Variants in EOGT observed in about 807,000 individuals in gnomAD.
EOGT encodes the protein EGF domain-specific O-linked N-acetylglucosamine transferase.
Under a neutral mutation model 70.5 loss-of-function variants are expected in EOGT, and 55 were observed. The observed-to-expected ratio is 0.78, with a 90% CI of 0.63 to 0.98. EOGT has a LOEUF of 0.98. Among genes scored for constraint, EOGT ranks in the 50% least tolerant of loss-of-function variants. The pLI is 0.00. For synonymous variants in EOGT, 246 were observed against 217.1 expected (o/e 1.13, Z -1.17); for missense variants, 703 against 641.9 (o/e 1.10, Z -1.03).
chr3:68,996,657 T>TAAGGAG (rs1416885527), intron 10 of EOGT, among the ~76,000 whole-genome samples: 3 of 152,190 alleles, frequency 2.0e-5, no homozygotes, highest in African/African-American at 4.8e-5. Flanking sequence ...GAATCTTGTC[T>TAAGGAG]CCTTGCACCT....
intron 16 of EOGT, among the ~76,000 whole-genome samples, chr3:68,979,258 G>C (rs2090563098): frequency 6.6e-6 from 1 of 152,210 alleles, no homozygotes; most frequent in African/African-American, 2.4e-5. Flanking sequence ...CCCTGTGTAT[G>C]GGATCAGCAA....
At chr3:69,007,581 G>A in intron 6 of EOGT, 132 bp downstream of exon 6, 1 of 353,732 alleles carries the variant, frequency 2.8e-6, no homozygotes. Flanking sequence ...GAACCTGGGA[G>A]GCAGAGGTTG....
chr3:68,977,420 A>G lies in EOGT; in HGVS notation c.*198T>C. ...AAGTTTTCAGTGCAAAATTATTGCT[A>G]TTGATAAATAGCAATGACACAAAAA... On this transcript the variant is annotated 3_prime_UTR_variant, in exon 18 of 18. Coordinates refer to ENST00000383701, the MANE Select transcript of EOGT (RefSeq NM_001278689.2). The G allele has an allele frequency of 1.9e-6, 1 of 521,244 alleles. No homozygotes were observed. The highest frequency in any genetic ancestry group is 3.3e-6 in the Non-Finnish European group (1 of 307,510). 32.3% of individuals were successfully genotyped at this position (521,244 alleles called of 1,614,324 possible). A position where few individuals can be genotyped will look rare whatever the true frequency, so the allele number is the denominator to read the frequency against.
At chr3:68,997,165 C>T (rs2091173959) in intron 10 of EOGT, among the ~76,000 whole-genome samples, 1 of 152,142 alleles carries the variant, frequency 6.6e-6, no homozygotes, top group South Asian at 2.1e-4. Context: ...AAATAAATAG[C>T]AGGTGTCACT....
At chr3:68,985,084 G>C (rs1020262259) in intron 14 of EOGT, among the ~76,000 whole-genome samples, 6 of 152,082 alleles carry the variant, frequency 3.9e-5, no homozygotes, top group African/African-American at 1.4e-4. Flanking sequence ...GGGAGGGTTG[G>C]GGGGCACAAT....
At chr3:68,984,552 A>C (rs1352321587) in intron 14 of EOGT, among the ~76,000 whole-genome samples, 1 of 152,194 alleles carries the variant, frequency 6.6e-6, no homozygotes, top group Non-Finnish European at 1.5e-5. Flanking sequence ...TGGGTTGATT[A>C]ATACATACCT....
intron 5 of EOGT, 128 bp from the exon 6 acceptor site, chr3:69,007,949 T>C (rs930245463): frequency 1.3e-5 from 8 of 615,488 alleles, no homozygotes; most frequent in Non-Finnish European, 2.2e-5. Context: ...ATTATCATAG[T>C]TTTTCCAAAA....
intron 6 of EOGT, among the ~76,000 whole-genome samples, chr3:69,005,877 T>C (rs2091427015): frequency 6.6e-6 from 1 of 152,222 alleles, no homozygotes; most frequent in South Asian, 2.1e-4. Flanking sequence ...TTAAATGCCA[T>C]TTTAATTGTT....
In EOGT at chr3:68,998,084, A is replaced by G; in HGVS notation, c.758T>C (p.Phe253Ser). The G allele has an allele frequency of 6.3e-7, 1 of 1,598,946 alleles. No homozygotes were observed. The highest frequency in any genetic ancestry group is 8.5e-7 in the Non-Finnish European group (1 of 1,171,100). The stretch of plus-strand genomic sequence containing the variant: ...GTGCTGAGTAATATAAAGATTGATG[A>G]AATCACAGAAGTGGTGATACATGTT... ...GVNMYHHFCD[F>S]INLYITQHVN... Residue 253 changes from phenylalanine to serine, a missense_variant, in exon 10 of 18, where the codon TTC (phenylalanine) becomes TCC (serine). Coordinates refer to ENST00000383701, the MANE Select transcript of EOGT (RefSeq NM_001278689.2).
At position 69,007,777 on chromosome 3, in the gene EOGT, G is replaced by C; in HGVS notation, c.356C>G (p.Ala119Gly). 2 of 1,613,154 alleles carry C rather than the reference G, an allele frequency of 1.2e-6. No homozygotes were observed. Among genetic ancestry groups the C allele is most frequent in the Non-Finnish European group, 1.7e-6 (2 of 1,179,460 alleles). The change falls in exon 6 of 18, where the codon GCT (alanine) becomes GGT (glycine). Residue 119 changes from alanine to glycine, a missense_variant. Transcript: ENST00000383701. ...ESAEDIFWKQ[A>G]DFGYARERLE... is the part of the protein sequence containing the mutation. Reference sequence around the variant, plus strand: ...CCTCTCTCTGGCATATCCAAAGTCAGCTTGTTTCCAAAATATGTCCTCAGC... The same window carrying C: ...CCTCTCTCTGGCATATCCAAAGTCACCTTGTTTCCAAAATATGTCCTCAGC...
chr3:69,008,585 A>G (rs1156821901), intron 4 of EOGT, 57 bp from the exon 5 acceptor site: 1 of 1,239,182 alleles, frequency 8.1e-7, no homozygotes, highest in African/African-American at 1.5e-5. Context: ...GAAGACTCTT[A>G]GATTTTTCCA....
chr3:68,983,828 T>C (rs1192987930), intron 14 of EOGT, among the ~76,000 whole-genome samples: 2 of 152,136 alleles, frequency 1.3e-5, no homozygotes, highest in African/African-American at 4.8e-5. Context: ...CTGGGTGTGG[T>C]GGCACATGCC....
At chr3:68,995,670 G>A (rs1178080663) in intron 10 of EOGT, among the ~76,000 whole-genome samples, 1 of 152,178 alleles carries the variant, frequency 6.6e-6, no homozygotes, top group Non-Finnish European at 1.5e-5. Flanking sequence ...GCATGCAACA[G>A]GTACAAGGAA....
At position 68,977,055 on chromosome 3, in the gene EOGT, G is replaced by A. The variant is rs2090490533; in HGVS notation, c.*563C>T. 1 of 152,736 alleles carries A rather than the reference G, an allele frequency of 6.5e-6. No individual in the cohort carries two copies. The highest frequency in any genetic ancestry group is 6.5e-5 in the Admixed American group (1 of 15,282). The allele number at this position is 152,736 out of a possible 1,614,324, so 9.5% of individuals were successfully genotyped here. Reference sequence around the variant, plus strand: ...CACGCCTGTAATCCCAGCTACTTGGGAGGCTAAGGCACAAGAATCACTTGA... The same window carrying A: ...CACGCCTGTAATCCCAGCTACTTGGAAGGCTAAGGCACAAGAATCACTTGA... On this transcript the variant is annotated 3_prime_UTR_variant, in exon 18 of 18. Coordinates refer to ENST00000383701, the MANE Select transcript of EOGT (RefSeq NM_001278689.2).
At position 69,008,489 on chromosome 3, in the gene EOGT, T is replaced by A; in HGVS notation, c.250A>T (p.Lys84Ter). The A allele has an allele frequency of 6.2e-7, 1 of 1,614,104 alleles. No homozygotes were observed. Among genetic ancestry groups the A allele is most frequent in the Non-Finnish European group, 8.5e-7 (1 of 1,179,994 alleles). Residue 84 changes from lysine (K) to a stop codon, truncating the protein, a stop_gained, in exon 5 of 18, where the codon AAA (lysine) becomes TAA (stop). Coordinates refer to ENST00000383701, the MANE Select transcript of EOGT (RefSeq NM_001278689.2). LOFTEE classifies it high-confidence loss of function. ...AACCTGAACTCTGGTTTGCAGGATT[T>A]CTCATAACCCCAGCAGTACTTTAGC... ...EKLKYCWGYE[K>*]SCKPEFRFGY... is the part of the protein sequence containing the mutation.
intron 10 of EOGT, among the ~76,000 whole-genome samples, chr3:68,996,811 T>C (rs2091161309): frequency 6.6e-6 from 1 of 152,236 alleles, no homozygotes; most frequent in African/African-American, 2.4e-5. Flanking sequence ...AGTCAGAATG[T>C]TGAGTGGAAC....
At chr3:68,986,509 A>C (rs2090811837) in intron 14 of EOGT, among the ~76,000 whole-genome samples, 1 of 152,126 alleles carries the variant, frequency 6.6e-6, no homozygotes, top group Admixed American at 6.6e-5. Flanking sequence ...ACCTCTCTCA[A>C]GATGCTACAG....
At chr3:69,004,700 C>T (rs1025231537) in intron 7 of EOGT, among the ~76,000 whole-genome samples, 2 of 152,074 alleles carry the variant, frequency 1.3e-5, no homozygotes, top group Non-Finnish European at 2.9e-5. Context: ...TAACTCATGG[C>T]CTGTCTGAGT....
At chr3:68,980,519 A>G (rs1447843043) in intron 15 of EOGT, among the ~76,000 whole-genome samples, 2 of 152,226 alleles carry the variant, frequency 1.3e-5, no homozygotes, top group African/African-American at 4.8e-5. Flanking sequence ...AAATGCTGGA[A>G]TAAGGGTGAC....
Sources: gnomAD v4.1 joint callset for allele counts (sites outside exome capture counted in the v4.1 genomes callset) on GRCh38, gnomAD v4.1.1 for gene constraint, MANE v1.5 for transcripts, NCBI Gene and HGNC (gene_info 2026-07-23, HGNC 2026-07-21) for gene names.